Variants in CLVS1 observed in about 807,000 individuals in gnomAD.
CLVS1 encodes the protein clavesin 1.
A neutral mutation model predicts 33.1 loss-of-function variants in CLVS1; 10 were observed. That is an observed-to-expected ratio of 0.30 (90% confidence interval 0.19 to 0.51). The LOEUF (loss-of-function observed/expected upper bound fraction) is 0.51, where lower values mean the gene tolerates loss of function less well. CLVS1 is among the 20% of genes least tolerant of loss of function. CLVS1 has a pLI of 0.97. For missense variants in CLVS1, 343 were observed against 433.4 expected, an observed-to-expected ratio of 0.79 and a Z score of 1.85; for synonymous variants, 163 against 166.1, an observed-to-expected ratio of 0.98 and a Z score of 0.14.
At chr8:61,373,926 G>A (rs1210584986) in intron 2 of CLVS1, among the ~76,000 whole-genome samples, 2 of 152,150 alleles carry the variant, frequency 1.3e-5, no homozygotes, top group Non-Finnish European at 2.9e-5. Context: ...TGGTCTGTGT[G>A]TCTTTCACCC....
intron 2 of CLVS1, among the ~76,000 whole-genome samples, chr8:61,197,819 A>G (rs1045316369): frequency 1.3e-5 from 2 of 152,120 alleles, no homozygotes; most frequent in Admixed American, 1.3e-4. Context: ...AGTTTCATTC[A>G]TACCCAGTAT....
chr8:61,077,313 C>G (rs993016068), intron 1 of CLVS1, among the ~76,000 whole-genome samples: 1 of 151,876 alleles, frequency 6.6e-6, no homozygotes, highest in Non-Finnish European at 1.5e-5. Flanking sequence ...CCCCGTGATC[C>G]ACCCGCCTCG....
chr8:61,348,887 A>T (rs933311771), intron 2 of CLVS1, among the ~76,000 whole-genome samples: 6 of 152,064 alleles, frequency 3.9e-5, no homozygotes, highest in Admixed American at 2.6e-4. Context: ...AACACTTGTC[A>T]TTTTTCATAT....
intron 2 of CLVS1, among the ~76,000 whole-genome samples, chr8:61,179,637 A>G (rs1349360106): frequency 6.6e-6 from 1 of 152,190 alleles, no homozygotes; most frequent in Non-Finnish European, 1.5e-5. Context: ...ATAATAACAA[A>G]CAGTGTCTCA....
chr8:61,178,896 C>G (rs1054741354), intron 2 of CLVS1, among the ~76,000 whole-genome samples: 1 of 151,984 alleles, frequency 6.6e-6, no homozygotes, highest in Non-Finnish European at 1.5e-5. Context: ...AAAAACACAC[C>G]AAAATATAAA....
chr8:61,171,648 G>A (rs952015588), intron 2 of CLVS1, among the ~76,000 whole-genome samples: 5 of 152,102 alleles, frequency 3.3e-5, no homozygotes, highest in Non-Finnish European at 5.9e-5. Flanking sequence ...TTTAAAATAA[G>A]CATGCTAAGA....
At chr8:61,373,013 C>A (rs187450207) in intron 2 of CLVS1, among the ~76,000 whole-genome samples, 1 of 152,168 alleles carries the variant, frequency 6.6e-6, no homozygotes, top group Non-Finnish European at 1.5e-5. Context: ...AAGGAAGCCA[C>A]AATGCTCAGC....
chr8:61,014,853 A>G, the CLVS1 span, among the ~76,000 whole-genome samples: 3 of 152,252 alleles, frequency 2.0e-5, no homozygotes, highest in Admixed American at 6.5e-5. Flanking sequence ...GGCAGGCTCA[A>G]TAGATGTGGG....
intron 1 of CLVS1, among the ~76,000 whole-genome samples, chr8:61,062,109 A>G (rs1804593259): frequency 6.6e-6 from 1 of 152,208 alleles, no homozygotes; most frequent in African/African-American, 2.4e-5. Context: ...GGACAGGGAA[A>G]TGAGACTTGC....
chr8:61,174,080 C>T (rs1227158117), intron 2 of CLVS1, among the ~76,000 whole-genome samples: 3 of 152,082 alleles, frequency 2.0e-5, no homozygotes, highest in Non-Finnish European at 4.4e-5. Flanking sequence ...TGAAACAATA[C>T]AATAGTTTTC....
intron 5 of CLVS1, among the ~76,000 whole-genome samples, chr8:61,477,226 G>T (rs1277392537): frequency 1.3e-5 from 2 of 152,146 alleles, no homozygotes; most frequent in South Asian, 2.1e-4. Context: ...CTTTTGCAAC[G>T]ATGTTCATCA....
intron 2 of CLVS1, among the ~76,000 whole-genome samples, chr8:61,311,914 G>T (rs1379914711): frequency 6.6e-6 from 1 of 152,148 alleles, no homozygotes; most frequent in African/African-American, 2.4e-5. Flanking sequence ...TCTTCCAAAG[G>T]TCAGTGTCAG....
intron 1 of CLVS1, among the ~76,000 whole-genome samples, chr8:61,059,475 C>CATACATACATATATATATAT (rs59538219): frequency 1.6e-4 from 8 of 50,206 alleles, no homozygotes; most frequent in African/African-American, 3.6e-4. Flanking sequence ...TACATACATA[C>CATACATACATATATATATAT]ATATATATAT....
chr8:61,038,447 A>G, the CLVS1 span, among the ~76,000 whole-genome samples: 1 of 147,116 alleles, frequency 6.8e-6, no homozygotes, highest in Non-Finnish European at 1.5e-5. Context: ...GTATATATAT[A>G]TATATATATG....
intron 5 of CLVS1, among the ~76,000 whole-genome samples, chr8:61,475,868 GC>G (rs1482531534): frequency 6.6e-6 from 1 of 152,130 alleles, no homozygotes. Context: ...AGAAGTCCTT[GC>G]CCATGTGTAT....
At chr8:61,481,236 TA>T (rs1457415005) in intron 5 of CLVS1, among the ~76,000 whole-genome samples, 2 of 151,828 alleles carry the variant, frequency 1.3e-5, no homozygotes, top group African/African-American at 4.8e-5. Context: ...AAAAATAAAA[TA>T]GGGGGAGGTT....
intron 2 of CLVS1, among the ~76,000 whole-genome samples, chr8:61,144,103 A>G (rs1806369065): frequency 6.6e-6 from 1 of 151,916 alleles, no homozygotes; most frequent in Non-Finnish European, 1.5e-5. Flanking sequence ...CAGAACGTGC[A>G]GGTTTGTTAC....
Position 61,376,596 on chromosome 8 carries a change from T to C in CLVS1, c.456-9T>C. The C allele has an allele frequency of 1.9e-6, 3 of 1,612,284 alleles. No individual in the cohort carries two copies. Among genetic ancestry groups the C allele is most frequent in the Non-Finnish European group, 2.5e-6 (3 of 1,178,736 alleles). On this transcript the variant is annotated splice_polypyrimidine_tract_variant and intron_variant, in intron 2 of 5. Transcript: ENST00000325897. ...TCACACACAGCTCTCCTTTCTGCTC[T>C]GGCTGCAGGAACTCCTTCACAGACA...
At chr8:61,125,801 C>T (rs1040248045) in intron 1 of CLVS1, among the ~76,000 whole-genome samples, 6 of 152,098 alleles carry the variant, frequency 3.9e-5, no homozygotes, top group South Asian at 2.1e-4. Context: ...ATTAATAGGA[C>T]GGCATAGCTA....
Sources: allele counts gnomAD v4.1 joint callset (sites outside exome capture counted in the v4.1 genomes callset), GRCh38; gene constraint gnomAD v4.1.1; transcripts MANE v1.5; gene names NCBI Gene and HGNC (gene_info 2026-07-23, HGNC 2026-07-21).